KMT2C: variants seen among roughly 807,000 people sequenced by gnomAD.
The protein encoded by KMT2C is histone-lysine N-methyltransferase 2C.
A neutral mutation model predicts 507.9 loss-of-function variants in KMT2C; 88 were observed. The observed-to-expected ratio is 0.17, with a 90% CI of 0.15 to 0.21. The LOEUF (loss-of-function observed/expected upper bound fraction) is 0.21, where lower values mean the gene tolerates loss of function less well. Ranked by LOEUF, KMT2C falls within the 10% of genes least tolerant of loss-of-function variation. KMT2C has a pLI of 1.00. For missense variants in KMT2C, 4,954 were observed against 5,957.8 expected, an observed-to-expected ratio of 0.83 and a Z score of 5.55; for synonymous variants, 2,049 against 2,080.8, an observed-to-expected ratio of 0.98 and a Z score of 0.42.
At chr7:152,335,141 C>T (rs1392879345) in intron 2 of KMT2C, among the ~76,000 whole-genome samples, 1 of 152,204 alleles carries the variant, frequency 6.6e-6, no homozygotes, top group East Asian at 1.9e-4. Flanking sequence ...GGCAAAGCAT[C>T]TGGAATGACC....
intron 51 of KMT2C, 35 bp from the exon 52 acceptor site, chr7:152,149,187 T>TA: frequency 2.4e-5 from 34 of 1,439,622 alleles, no homozygotes; most frequent in Non-Finnish European, 3.1e-5. Flanking sequence ...CAAAGAAAAA[T>TA]AATTCACAAG....
intron 6 of KMT2C, among the ~76,000 whole-genome samples, chr7:152,277,202 T>C (rs372346279): frequency 2.6e-5 from 4 of 152,028 alleles, no homozygotes; most frequent in African/African-American, 9.7e-5. Context: ...CTACGTGCTC[T>C]AATAAATAAG....
intron 24 of KMT2C, among the ~76,000 whole-genome samples, chr7:152,206,558 G>A (rs2094313841): frequency 6.6e-6 from 1 of 151,988 alleles, no homozygotes; most frequent in Admixed American, 6.6e-5. Context: ...TAAGCAATAA[G>A]AAGCATAAAG....
intron 8 of KMT2C, among the ~76,000 whole-genome samples, chr7:152,264,556 T>C (rs2095831888): frequency 1.3e-5 from 2 of 152,196 alleles, no homozygotes; most frequent in South Asian, 2.1e-4. Context: ...GTAGAAATTG[T>C]CCTTCCTGGA....
intron 23 of KMT2C, among the ~76,000 whole-genome samples, chr7:152,209,198 TG>T (rs1174206103): frequency 6.7e-6 from 1 of 149,636 alleles, no homozygotes; most frequent in African/African-American, 2.5e-5. Flanking sequence ...GGCTCACGCC[TG>T]TAATCCCAGC....
intron 53 of KMT2C, 130 bp downstream of exon 53, chr7:152,146,469 A>T: frequency 1.2e-6 from 1 of 853,054 alleles, no homozygotes; most frequent in Admixed American, 2.4e-5. Flanking sequence ...TTATTCCTCT[A>T]AGAGAAACGG....
chr7:152,252,130 C>T (rs1274272223), intron 10 of KMT2C, 40 bp from the exon 11 acceptor site: 8 of 1,456,018 alleles, frequency 5.5e-6, no homozygotes, highest in East Asian at 2.3e-5. Flanking sequence ...TTTCTAACAT[C>T]GAGTTATTAT....
intron 1 of KMT2C, among the ~76,000 whole-genome samples, chr7:152,401,098 CT>C (rs200213396): frequency 0.015 from 2,157 of 139,686 alleles, 39 homozygotes; most frequent in African/African-American, 0.047. Flanking sequence ...TATTCATTAA[CT>C]TTTTTTTTTT....
chr7:152,190,190 C>T lies in KMT2C; in HGVS notation c.4661-2343G>A, dbSNP rs112349462. On this transcript the variant is annotated intron_variant, in intron 31 of 58. Coordinates refer to ENST00000262189, the MANE Select transcript of KMT2C (RefSeq NM_170606.3). Reference sequence around the variant, plus strand: ...AAACTGGTCCCTGGTGCGAAAAAGGCTGGGGACTGCTGCGTTAAGGAATGT... The same window carrying T: ...AAACTGGTCCCTGGTGCGAAAAAGGTTGGGGACTGCTGCGTTAAGGAATGT... 9.4e-3 allele frequency among the ~76,000 whole-genome samples: 1,437 copies of T among 152,222 alleles called. 27 individuals carry two copies. The highest frequency in any genetic ancestry group is 0.033 in the African/African-American group (1,381 of 41,526).
At chr7:152,302,492 G>A (rs766088910) in intron 6 of KMT2C, among the ~76,000 whole-genome samples, 5 of 151,280 alleles carry the variant, frequency 3.3e-5, no homozygotes, top group Non-Finnish European at 5.9e-5. Context: ...GATTACAGGC[G>A]TGAGCCACCA....
chr7:152,372,436 G>A (rs1400433531), intron 1 of KMT2C, among the ~76,000 whole-genome samples: 2 of 152,096 alleles, frequency 1.3e-5, no homozygotes, highest in African/African-American at 2.4e-5. Context: ...GAATACAAGC[G>A]TGAGCCACTG....
At chr7:152,255,157 A>ATGTGTG (rs112731121) in intron 9 of KMT2C, among the ~76,000 whole-genome samples, 19 of 128,374 alleles carry the variant, frequency 1.5e-4, no homozygotes, top group African/African-American at 5.4e-4. Context: ...ATATATATAT[A>ATGTGTG]TGTGTGTGTG....
intron 1 of KMT2C, among the ~76,000 whole-genome samples, chr7:152,387,404 G>C (rs1054402903): frequency 1.4e-5 from 2 of 145,976 alleles, no homozygotes. Context: ...CCTATGAAAA[G>C]ATGTATAACA....
At chr7:152,185,152 G>C (rs1334464181) in intron 34 of KMT2C, among the ~76,000 whole-genome samples, 1 of 152,184 alleles carries the variant, frequency 6.6e-6, no homozygotes, top group East Asian at 1.9e-4. Context: ...TAAAAACAAT[G>C]ACAAGGGAAA....
At chr7:152,184,641 T>C (rs561437085) in intron 34 of KMT2C, among the ~76,000 whole-genome samples, 1 of 152,352 alleles carries the variant, frequency 6.6e-6, no homozygotes, top group African/African-American at 2.4e-5. Flanking sequence ...TTTAGTACAG[T>C]TGTCCCTCTG....
chr7:152,232,068 A>G (rs1427128335), intron 16 of KMT2C, among the ~76,000 whole-genome samples: 1 of 151,972 alleles, frequency 6.6e-6, no homozygotes, highest in Non-Finnish European at 1.5e-5. Context: ...TTTAGTAGAG[A>G]TGAGGTTTCA....
intron 1 of KMT2C, among the ~76,000 whole-genome samples, chr7:152,427,881 A>C (rs1403744547): frequency 6.6e-6 from 1 of 152,180 alleles, no homozygotes; most frequent in Non-Finnish European, 1.5e-5. Flanking sequence ...AAACTGCCGA[A>C]TTCCTCCTTT....
At chr7:152,272,602 T>C (rs1440218707) in intron 7 of KMT2C, among the ~76,000 whole-genome samples, 1 of 152,118 alleles carries the variant, frequency 6.6e-6, no homozygotes, top group Non-Finnish European at 1.5e-5. Context: ...GATTGAAGAG[T>C]GTACAATCTA....
intron 20 of KMT2C, among the ~76,000 whole-genome samples, chr7:152,223,353 G>A (rs2094832331): frequency 6.6e-6 from 1 of 152,000 alleles, no homozygotes; most frequent in Non-Finnish European, 1.5e-5. Flanking sequence ...AGAAAAAGTG[G>A]TTTAAGGAGA....
Sources: allele counts gnomAD v4.1 joint callset (sites outside exome capture counted in the v4.1 genomes callset), GRCh38; gene constraint gnomAD v4.1.1; transcripts MANE v1.5; gene names NCBI Gene and HGNC (gene_info 2026-07-23, HGNC 2026-07-21).